DOCK7: variants seen among roughly 807,000 people sequenced by gnomAD.
DOCK7 encodes dedicator of cytokinesis protein 7.
Under a neutral mutation model 271.0 loss-of-function variants are expected in DOCK7, and 138 were observed. The ratio of observed to expected loss-of-function variants is 0.51; its 90% CI spans 0.44 to 0.59. The LOEUF is 0.59. DOCK7 is among the 20% of genes least tolerant of loss of function. DOCK7 has a pLI of 0.00. For synonymous variants in DOCK7, 823 were observed against 876.1 expected, an observed-to-expected ratio of 0.94 and a Z score of 1.07; for missense variants, 2,066 against 2,592.4, an observed-to-expected ratio of 0.80 and a Z score of 4.41.
intron 29 of DOCK7, among the ~76,000 whole-genome samples, chr1:62,533,540 T>C (rs981138000): frequency 1.3e-5 from 2 of 152,040 alleles, no homozygotes; most frequent in Non-Finnish European, 2.9e-5. Flanking sequence ...TAGTTTGCCC[T>C]CTCTATACTC....
intron 14 of DOCK7, among the ~76,000 whole-genome samples, chr1:62,596,551 C>G (rs1649277752): frequency 6.6e-6 from 1 of 151,926 alleles, no homozygotes; most frequent in South Asian, 2.1e-4. Flanking sequence ...CGGCTGGGCT[C>G]ATGCCTGTAA....
chr1:62,485,011 ACAGTC>A (rs1399845723), intron 43 of DOCK7: 1 of 337,778 alleles, frequency 3.0e-6, no homozygotes, highest in African/African-American at 2.2e-5. Context: ...GCATGCGCCT[ACAGTC>A]CTAGCTACTC....
intron 14 of DOCK7, among the ~76,000 whole-genome samples, chr1:62,610,425 G>A (rs893972849): frequency 3.9e-5 from 6 of 151,920 alleles, no homozygotes; most frequent in Non-Finnish European, 4.4e-5. Context: ...AGTATTACCA[G>A]TATATAAGAT....
intron 41 of DOCK7, among the ~76,000 whole-genome samples, chr1:62,491,274 A>C (rs1262520267): frequency 6.6e-6 from 1 of 152,208 alleles, no homozygotes; most frequent in East Asian, 1.9e-4. Flanking sequence ...ACAGCAGTAG[A>C]AATGGGGAAA....
intron 34 of DOCK7, among the ~76,000 whole-genome samples, chr1:62,508,864 AAT>A (rs1406271354): frequency 6.6e-6 from 1 of 152,202 alleles, no homozygotes; most frequent in Admixed American, 6.5e-5. Context: ...ATGATTTATG[AAT>A]ATAGTTGAGA....
At chr1:62,461,616 A>C (rs1645528916) in intron 48 of DOCK7, among the ~76,000 whole-genome samples, 1 of 151,170 alleles carries the variant, frequency 6.6e-6, no homozygotes, top group Admixed American at 6.6e-5. Context: ...GCAGTGAGCC[A>C]TGATCACACC....
chr1:62,687,871 G>T (rs1211071690), intron 1 of DOCK7, among the ~76,000 whole-genome samples: 1 of 152,176 alleles, frequency 6.6e-6, no homozygotes. Context: ...CGAGCCCGGG[G>T]GTGGGAACAC....
At chr1:62,538,318 T>G (rs1020136400) in intron 27 of DOCK7, among the ~76,000 whole-genome samples, 1 of 152,242 alleles carries the variant, frequency 6.6e-6, no homozygotes, top group African/African-American at 2.4e-5. Context: ...TCAATATTTC[T>G]ACTTCTCATA....
At chr1:62,465,901 G>T (rs1645663072) in intron 48 of DOCK7, among the ~76,000 whole-genome samples, 1 of 152,126 alleles carries the variant, frequency 6.6e-6, no homozygotes, top group South Asian at 2.1e-4. Context: ...TGTGGGTATA[G>T]GATTGCTGTA....
intron 31 of DOCK7, among the ~76,000 whole-genome samples, chr1:62,523,720 A>C (rs1341711398): frequency 6.6e-6 from 1 of 152,106 alleles, no homozygotes; most frequent in Non-Finnish European, 1.5e-5. Context: ...ACAAAAAATT[A>C]GCCAGGCATG....
intron 1 of DOCK7, among the ~76,000 whole-genome samples, chr1:62,686,634 C>T (rs1308025868): frequency 6.6e-6 from 1 of 152,120 alleles, no homozygotes; most frequent in African/African-American, 2.4e-5. Context: ...CTGTACTATC[C>T]TACGCACATT....
intron 12 of DOCK7, among the ~76,000 whole-genome samples, chr1:62,624,483 T>C (rs1319383552): frequency 1.3e-5 from 2 of 152,150 alleles, no homozygotes; most frequent in Non-Finnish European, 2.9e-5. Context: ...GATCCATACA[T>C]TCACCTCTAA....
At chr1:62,524,150 A>G (rs1446599769) in intron 31 of DOCK7, among the ~76,000 whole-genome samples, 2 of 152,234 alleles carry the variant, frequency 1.3e-5, no homozygotes, top group Admixed American at 1.3e-4. Flanking sequence ...TCTTCGGGGA[A>G]ATACAAGCTA....
Position 62,513,325 on chromosome 1 carries a change from AT to A in DOCK7, c.4282+118del, listed in dbSNP as rs1644554746. On this transcript the variant is annotated intron_variant, in intron 33 of 49. Coordinates refer to ENST00000635253, the MANE Select transcript of DOCK7 (RefSeq NM_001367561.1). ...CTTTTATTACTGCAGAGAAATGATTATTCAAGTTAATTCACAGTTACACTTA... is the reference window on the plus strand; with the variant it reads ...CTTTTATTACTGCAGAGAAATGATTATCAAGTTAATTCACAGTTACACTTA... 3 of 853,422 alleles carry A rather than the reference AT, an allele frequency of 3.5e-6. No homozygotes were observed. In the East Asian group the frequency reaches 1.5e-4, roughly 41 times the overall value. The allele number at this position is 853,422 out of a possible 1,614,324, so 52.9% of individuals were successfully genotyped here.
At chr1:62,528,799 T>C (rs570846199) in intron 30 of DOCK7, among the ~76,000 whole-genome samples, 17 of 152,224 alleles carry the variant, frequency 1.1e-4, no homozygotes, top group Non-Finnish European at 2.5e-4. Flanking sequence ...AAATTCTAAA[T>C]ATGGAAAGCA....
rs2149258678 is a variant in DOCK7, at chr1:62,475,277, A to C, written c.6036T>G (p.His2012Gln). The change falls in exon 47 of 50, where the codon CAT (histidine) becomes CAG (glutamine). Residue 2012 changes from histidine to glutamine, a missense_variant. By Grantham distance (24) the His-to-Gln change is conservative (BLOSUM62 0). Around this residue, in one of 2 missense-constraint regions of DOCK7, gnomAD observed 652 missense variants for 922.1 expected, o/e 0.71. Coordinates refer to ENST00000635253, the MANE Select transcript of DOCK7 (RefSeq NM_001367561.1). The part of the protein sequence containing the change: ...KKTQELAFAT[H>Q]QDPADPKMLQ... Reference sequence around the variant, plus strand: ...GCATTTTGGGGTCTGCGGGATCCTGATGTGTTGCAAATGCCAACTCCTGTG... The same window carrying C: ...GCATTTTGGGGTCTGCGGGATCCTGCTGTGTTGCAAATGCCAACTCCTGTG... The C allele has an allele frequency of 1.2e-6, 2 of 1,614,056 alleles. No individual in the cohort carries two copies. The highest frequency in any genetic ancestry group is 1.1e-5 in the South Asian group (1 of 91,076).
At chr1:62,599,297 T>G (rs1649759807) in intron 14 of DOCK7, among the ~76,000 whole-genome samples, 1 of 152,028 alleles carries the variant, frequency 6.6e-6, no homozygotes, top group Admixed American at 6.6e-5. Context: ...TCAAACATAC[T>G]GCCACCTCAA....
rs770382237 is a variant in DOCK7, at chr1:62,508,023, T to A, written c.4415A>T (p.Asp1472Val). The A allele has an allele frequency of 6.2e-7, 1 of 1,613,144 alleles. No homozygotes were observed. Among genetic ancestry groups the A allele is most frequent in the Non-Finnish European group, 8.5e-7 (1 of 1,179,748 alleles). ...GTTTGCTTCTGTAGCCAGGTTTCCA[T>A]CAATCAGTGCTTCGTGTTCAATCTC... is the stretch of plus-strand genomic sequence containing the variant. ...RAEIEHEALI[D>V]GNLATEANLI... is the part of the protein sequence containing the mutation. Residue 1472 changes from aspartate (D) to valine (V), a missense_variant, in exon 35 of 50, where the codon GAT (aspartate) becomes GTT (valine). This residue lies in a region of DOCK7 where 652 missense variants were observed against 922.1 expected (regional missense o/e 0.71). Coordinates refer to ENST00000635253, the MANE Select transcript of DOCK7 (RefSeq NM_001367561.1).
At chr1:62,630,964 C>G (rs1363527731) in intron 11 of DOCK7, among the ~76,000 whole-genome samples, 2 of 152,046 alleles carry the variant, frequency 1.3e-5, no homozygotes, top group Non-Finnish European at 2.9e-5. Flanking sequence ...GCAGGCAGAT[C>G]ACTTGAGGTC....
Sources: allele counts gnomAD v4.1 joint callset (sites outside exome capture counted in the v4.1 genomes callset), GRCh38; gene constraint gnomAD v4.1.1; regional missense constraint gnomAD v4.1.1; transcripts MANE v1.5; gene names NCBI Gene and HGNC (gene_info 2026-07-23, HGNC 2026-07-21).